TOX3: variants seen among roughly 807,000 people sequenced by gnomAD.
TOX3 encodes the protein TOX high mobility group box family member 3.
TOX3 carries 22 observed loss-of-function variants against 64.3 expected under a neutral mutation model. That is an observed-to-expected ratio of 0.34 (90% CI 0.24 to 0.49). TOX3 has a LOEUF of 0.49. Ranked by LOEUF, TOX3 falls within the 20% of genes least tolerant of loss-of-function variation. The pLI is 0.99. For synonymous variants in TOX3, 291 were observed against 273.6 expected, an observed-to-expected ratio of 1.06 and a Z score of -0.63; for missense variants, 661 against 714.4, an observed-to-expected ratio of 0.93 and a Z score of 0.85.
At chr16:52,459,975 TC>T (rs779664533) in intron 3 of TOX3, among the ~76,000 whole-genome samples, 48 of 152,288 alleles carry the variant, frequency 3.2e-4, no homozygotes, top group South Asian at 8.3e-4. Flanking sequence ...TTGCCATTTT[TC>T]TATCAAAAAT....
chr16:52,496,099 A>G (rs1377881513), intron 1 of TOX3, among the ~76,000 whole-genome samples: 1 of 152,208 alleles, frequency 6.6e-6, no homozygotes, highest in African/African-American at 2.4e-5. Context: ...AGCTTAAAAA[A>G]CATGTAAAAT....
chr16:52,488,589 G>C (rs1961590855), intron 1 of TOX3, among the ~76,000 whole-genome samples: 1 of 152,098 alleles, frequency 6.6e-6, no homozygotes, highest in Admixed American at 6.5e-5. Flanking sequence ...GCAATACCAA[G>C]TATAGAGAAG....
chr16:52,493,421 A>T (rs1278110558), intron 1 of TOX3, among the ~76,000 whole-genome samples: 8 of 152,216 alleles, frequency 5.3e-5, no homozygotes, highest in African/African-American at 1.7e-4. Flanking sequence ...TGAAAGTGGC[A>T]ATGGTGAATT....
At chr16:52,471,741 C>T (rs1476082645) in intron 1 of TOX3, among the ~76,000 whole-genome samples, 4 of 152,214 alleles carry the variant, frequency 2.6e-5, no homozygotes, top group African/African-American at 9.6e-5. Flanking sequence ...AGTATTTAGC[C>T]CAGTGACACC....
intron 1 of TOX3, among the ~76,000 whole-genome samples, chr16:52,480,676 C>A (rs1170253789): frequency 6.6e-6 from 1 of 152,194 alleles, no homozygotes; most frequent in Non-Finnish European, 1.5e-5. Context: ...CAATAAATCC[C>A]TTTAATTATG....
At chr16:52,479,567 T>G (rs975105835) in intron 1 of TOX3, among the ~76,000 whole-genome samples, 1 of 152,248 alleles carries the variant, frequency 6.6e-6, no homozygotes, top group African/African-American at 2.4e-5. Context: ...TCTTATAAAA[T>G]GACAGCAACT....
chr16:52,546,859 G>A lies in TOX3; in HGVS notation c.-136C>T. On this transcript the variant is annotated 5_prime_UTR_variant, in exon 1 of 7. Transcript: ENST00000219746. ...GGACTCGCGGCCGGAGGGGCGCCGGGACCCAGAGCCCGAGGAGCTCGGGAG... is the reference window on the plus strand; with the variant it reads ...GGACTCGCGGCCGGAGGGGCGCCGGAACCCAGAGCCCGAGGAGCTCGGGAG... 3 of 1,225,782 alleles carry A rather than the reference G, an allele frequency of 2.4e-6. No homozygotes were observed. Among genetic ancestry groups the A allele is most frequent in the East Asian group, 3.5e-5 (1 of 28,936 alleles). The allele number at this position is 1,225,782 out of a possible 1,614,324, so 75.9% of individuals were successfully genotyped here.
chr16:52,529,997 T>C (rs967480937), intron 1 of TOX3, among the ~76,000 whole-genome samples: 1 of 152,236 alleles, frequency 6.6e-6, no homozygotes, highest in African/African-American at 2.4e-5. Context: ...TTCAGCTCTC[T>C]CACAAGTCTG....
At chr16:52,499,294 G>A (rs1016011077) in intron 1 of TOX3, among the ~76,000 whole-genome samples, 6 of 152,184 alleles carry the variant, frequency 3.9e-5, no homozygotes, top group African/African-American at 1.4e-4. Context: ...CATTTACTTC[G>A]AAACGACATG....
chr16:52,515,376 A>G (rs1962427551), intron 1 of TOX3, among the ~76,000 whole-genome samples: 1 of 152,154 alleles, frequency 6.6e-6, no homozygotes, highest in African/African-American at 2.4e-5. Context: ...GAAACTAAAA[A>G]GTATAATTTT....
chr16:52,456,217 C>A (rs1960512523), intron 3 of TOX3, among the ~76,000 whole-genome samples: 1 of 152,198 alleles, frequency 6.6e-6, no homozygotes, highest in African/African-American at 2.4e-5. Flanking sequence ...TGGGACTATT[C>A]ATTGCAATAA....
At chr16:52,544,678 G>A (rs1327546080) in intron 1 of TOX3, among the ~76,000 whole-genome samples, 2 of 152,152 alleles carry the variant, frequency 1.3e-5, no homozygotes, top group African/African-American at 4.8e-5. Context: ...AATAAATAAT[G>A]TCTGTTTTCA....
At chr16:52,527,013 G>T (rs1257689755) in intron 1 of TOX3, among the ~76,000 whole-genome samples, 2 of 152,108 alleles carry the variant, frequency 1.3e-5, no homozygotes, top group Admixed American at 6.5e-5. Flanking sequence ...AAACACAGCG[G>T]TCACTACTGT....
At position 52,438,992 on chromosome 16, in the gene TOX3, T is replaced by C. The variant is rs770780674; in HGVS notation, c.*233A>G. 1 of 713,780 alleles carries C rather than the reference T, an allele frequency of 1.4e-6. No individual in the cohort carries two copies. Among genetic ancestry groups the C allele is most frequent in the South Asian group, 1.4e-5 (1 of 71,148 alleles). The allele number at this position is 713,780 out of a possible 1,614,324, so 44.2% of individuals were successfully genotyped here. On this transcript the variant is annotated 3_prime_UTR_variant, in exon 7 of 7. Coordinates refer to ENST00000219746, the MANE Select transcript of TOX3 (RefSeq NM_001080430.4). ...CTGAATAAATAAAAAAGGCATCACA[T>C]AAAAGAGCACAGCTTTTCTTGTTTA...
Position 52,450,538 on chromosome 16 carries a change from G to T in TOX3, c.417C>A (p.Ser139Arg), listed in dbSNP as rs1258579042. 1 of 1,613,828 alleles carries T rather than the reference G, an allele frequency of 6.2e-7. No individual in the cohort carries two copies. Among genetic ancestry groups the T allele is most frequent in the Non-Finnish European group, 8.5e-7 (1 of 1,179,726 alleles). Residue 139 changes from serine (S) to arginine (R), a missense_variant, in exon 4 of 7, where the codon AGC becomes AGA. By Grantham distance (110) the Ser-to-Arg change is moderately radical. This residue lies in a region of TOX3 where 259 missense variants were observed against 261.2 expected (regional missense o/e 0.99). Transcript: ENST00000219746. ...LHSSGLHMDQ[S>R]HTQVSQYRQD... ...GCCGGTACTGGGACACTTGTGTGTG[G>T]CTCTGATCCTAGAAAGGCAGCAACA... is the stretch of plus-strand genomic sequence containing the variant.
chr16:52,439,299 C>T lies in TOX3; in HGVS notation c.1657G>A (p.Ala553Thr), dbSNP rs1251471275. 6.2e-7 allele frequency: 1 copy of T among 1,613,806 alleles called. No homozygotes were observed. Among genetic ancestry groups the T allele is most frequent in the Admixed American group, 1.7e-5 (1 of 59,996 alleles). ...PIPAIGSPQP[A>T]SQQHQSQIQS... ...ATTTGCGACTGGTGCTGCTGAGAGG[C>T]TGGCTGGGGGCTCCCGATGGCAGGG... Residue 553 changes from alanine to threonine, a missense_variant, in exon 7 of 7, where the codon GCC becomes ACC. By Grantham distance (58) the Ala-to-Thr change is moderately conservative. Around this residue, in one of 3 missense-constraint regions of TOX3, gnomAD observed 299 missense variants for 292.1 expected, o/e 1.02. Transcript: ENST00000219746.
At position 52,457,832 on chromosome 16, in the gene TOX3, C is replaced by T. The variant is rs183561171; in HGVS notation, c.408+6102G>A. 2.0e-3 allele frequency among the ~76,000 whole-genome samples: 299 copies of T among 152,274 alleles called. 1 individual carries two copies. The highest frequency in any genetic ancestry group is 0.01 in the Middle Eastern group (3 of 294). On this transcript the variant is annotated intron_variant, in intron 3 of 6. Transcript: ENST00000219746. The stretch of plus-strand genomic sequence containing the variant: ...ACCTTTATACTCATCAAAATATCTG[C>T]ACTGAAATAGATCATTTTTACTTAA...
chr16:52,487,041 AT>A (rs1596817871), intron 1 of TOX3, among the ~76,000 whole-genome samples: 1 of 152,210 alleles, frequency 6.6e-6, no homozygotes, highest in Non-Finnish European at 1.5e-5. Context: ...CCCCTAGCAT[AT>A]AAATTATCCC....
intron 1 of TOX3, among the ~76,000 whole-genome samples, chr16:52,496,954 C>T (rs1178371435): frequency 6.6e-6 from 1 of 151,850 alleles, no homozygotes; most frequent in African/African-American, 2.4e-5. Context: ...AACAAAACCC[C>T]TGCAATCAAA....
Sources: gnomAD v4.1 joint callset for allele counts (sites outside exome capture counted in the v4.1 genomes callset) on GRCh38, gnomAD v4.1.1 for gene constraint, gnomAD v4.1.1 regional missense constraint, MANE v1.5 for transcripts, NCBI Gene and HGNC (gene_info 2026-07-23, HGNC 2026-07-21) for gene names.